Variants in PADI1 observed in about 807,000 individuals in gnomAD.
PADI1 encodes the protein protein-arginine deiminase type-1.
Under a neutral mutation model 74.8 loss-of-function variants are expected in PADI1, and 65 were observed. The ratio of observed to expected loss-of-function variants is 0.87; its 90% confidence interval spans 0.71 to 1.07. The LOEUF is 1.07. PADI1 is among the 50% of genes least tolerant of loss of function. The probability of loss-of-function intolerance (pLI) is 0.00; values close to 1 mark genes in which losing one functional copy is unlikely to be tolerated. For synonymous variants in PADI1, 371 were observed against 336.2 expected (o/e 1.10, Z -1.13); for missense variants, 943 against 854.0 (o/e 1.10, Z -1.30).
chr1:17,226,208 C>T (rs770007404), intron 6 of PADI1, 50 bp downstream of exon 6: 30 of 1,585,598 alleles, frequency 1.9e-5, no homozygotes, highest in Non-Finnish European at 2.5e-5. Context: ...CATATCTATC[C>T]TCTCCTCCCC....
intron 4 of PADI1, 133 bp downstream of exon 4, chr1:17,224,561 C>A: frequency 1.4e-6 from 1 of 709,998 alleles, no homozygotes; most frequent in South Asian, 1.6e-5. Flanking sequence ...TGTAGGGAAC[C>A]CATCTGGGAC....
chr1:17,221,400 C>T lies in PADI1; in HGVS notation c.93-890C>T, dbSNP rs568352336. ...GGGAGAATCGCTTGAACCTGGGAGG[C>T]GGAGGTTGCAGTGAGCAGAGACTGC... On this transcript the variant is annotated intron_variant, in intron 1 of 15. Transcript: ENST00000375471. Among the ~76,000 whole-genome samples the T allele has an allele frequency of 2.3e-4, 34 of 146,270 alleles. No individual in the cohort carries two copies. In the East Asian group the frequency reaches 5.2e-3, roughly 22 times the overall value.
intron 11 of PADI1, among the ~76,000 whole-genome samples, chr1:17,234,800 G>C (rs563651110): frequency 4.6e-5 from 7 of 152,256 alleles, no homozygotes; most frequent in Admixed American, 4.6e-4. Flanking sequence ...GGATCAGAGA[G>C]GGGATCACAT....
In PADI1 at chr1:17,229,047, T is replaced by G; in HGVS notation, c.925T>G (p.Cys309Gly). The G allele has an allele frequency of 6.4e-7, 1 of 1,555,424 alleles. No individual in the cohort carries two copies. Among genetic ancestry groups the G allele is most frequent in the Non-Finnish European group, 8.7e-7 (1 of 1,145,596 alleles). Residue 309 changes from cysteine to glycine, a missense_variant, in exon 8 of 16, where the codon TGC (cysteine) becomes GGC (glycine). Cys to Gly is a radical substitution (Grantham distance 159). Coordinates refer to ENST00000375471, the MANE Select transcript of PADI1 (RefSeq NM_013358.3). ...NTQPPEELYVCRVMDTHGSNE... is the reference protein window; with the variant it reads ...NTQPPEELYVGRVMDTHGSNE... ...TCAGCCTCCTGAGGAGCTGTATGTG[T>G]GCAGGTGAGGCTCCCTCCCTCCAGC...
intron 1 of PADI1, among the ~76,000 whole-genome samples, chr1:17,205,606 T>C (rs1231576499): frequency 6.6e-6 from 1 of 152,118 alleles, no homozygotes; most frequent in African/African-American, 2.4e-5. Flanking sequence ...GTCTGGGCCC[T>C]GCATTCTGAC....
chr1:17,241,975 G>A (rs2072787786), intron 15 of PADI1, among the ~76,000 whole-genome samples: 1 of 152,156 alleles, frequency 6.6e-6, no homozygotes, highest in South Asian at 2.1e-4. Flanking sequence ...AGTGAATGTC[G>A]GAATCAGGAT....
chr1:17,226,706 G>A (rs1347012903), intron 6 of PADI1, among the ~76,000 whole-genome samples: 1 of 152,144 alleles, frequency 6.6e-6, no homozygotes, highest in African/African-American at 2.4e-5. Context: ...CTGAGGTCAG[G>A]AGTTTGAGAG....
chr1:17,234,703 G>C (rs1164344442), intron 11 of PADI1, among the ~76,000 whole-genome samples: 1 of 152,184 alleles, frequency 6.6e-6, no homozygotes, highest in East Asian at 1.9e-4. Flanking sequence ...TATAGGCCAA[G>C]CCCAAAGTCT....
intron 2 of PADI1, 161 bp from the exon 3 acceptor site, chr1:17,223,460 A>G (rs1429422235): frequency 4.9e-6 from 3 of 618,498 alleles, no homozygotes; most frequent in Non-Finnish European, 8.6e-6. Context: ...GTAGCTCTGA[A>G]TCCCAGCCGG....
intron 1 of PADI1, among the ~76,000 whole-genome samples, chr1:17,210,982 G>C (rs1438764405): frequency 3.3e-5 from 5 of 152,228 alleles, no homozygotes; most frequent in African/African-American, 4.8e-5. Flanking sequence ...CCACATGTGA[G>C]GAGCTTCCAT....
chr1:17,212,019 T>G (rs2071844868), intron 1 of PADI1, among the ~76,000 whole-genome samples: 1 of 152,202 alleles, frequency 6.6e-6, no homozygotes, highest in Non-Finnish European at 1.5e-5. Flanking sequence ...GGAAGGTACG[T>G]TGAGGCAGAG....
intron 1 of PADI1, among the ~76,000 whole-genome samples, chr1:17,207,659 G>A (rs185970898): frequency 2.0e-3 from 308 of 152,318 alleles, no homozygotes; most frequent in Non-Finnish European, 2.5e-3. Flanking sequence ...GCTCCTTAGC[G>A]TCCTCAAATG....
intron 11 of PADI1, among the ~76,000 whole-genome samples, chr1:17,235,297 A>AGGAAGGAG (rs2072614086): frequency 6.7e-6 from 1 of 149,716 alleles, no homozygotes; most frequent in Non-Finnish European, 1.5e-5. Flanking sequence ...GAAGGAGGGA[A>AGGAAGGAG]GGAAGGAAGG....
In PADI1 at chr1:17,245,300, A is replaced by T. The variant is rs1305744405; in HGVS notation, c.*1057A>T. 3 of 152,602 alleles carry T rather than the reference A, an allele frequency of 2.0e-5. No individual in the cohort carries two copies. Among genetic ancestry groups the T allele is most frequent in the African/African-American group, 7.2e-5 (3 of 41,416 alleles). 9.5% of individuals were successfully genotyped at this position (152,602 alleles called of 1,614,324 possible). A position where few individuals can be genotyped will look rare whatever the true frequency, so the allele number is the denominator to read the frequency against. ...CCCGGTCTCTCTCAGCAACCCAGGG[A>T]CCCTGCACATAGCTTAGGTTTCATC... is the stretch of plus-strand genomic sequence containing the variant. On this transcript the variant is annotated 3_prime_UTR_variant, in exon 16 of 16. Transcript: ENST00000375471. This position sits in a 1 kb window ranked among gnomAD's most constrained non-coding sequence, Gnocchi z 4.1.
chr1:17,224,363 G>A lies in PADI1; in HGVS notation c.347-4G>A, dbSNP rs983806342. The A allele has an allele frequency of 2.5e-6, 4 of 1,613,492 alleles. No individual in the cohort carries two copies. The highest frequency in any genetic ancestry group is 3.3e-5 in the Admixed American group (2 of 59,994). Reference sequence around the variant, plus strand: ...CCTGGCAGCCCCTCTCCATCTCTTTGCAGATATTTCCCTTGAGGTTGACAC... The same window carrying A: ...CCTGGCAGCCCCTCTCCATCTCTTTACAGATATTTCCCTTGAGGTTGACAC... On this transcript the variant is annotated splice_polypyrimidine_tract_variant and splice_region_variant and intron_variant, in intron 3 of 15. Transcript: ENST00000375471.
At chr1:17,209,211 G>A (rs1000920937) in intron 1 of PADI1, among the ~76,000 whole-genome samples, 3 of 152,204 alleles carry the variant, frequency 2.0e-5, no homozygotes, top group African/African-American at 7.2e-5. Flanking sequence ...AAAATTACAG[G>A]ATTGACACTG....
At chr1:17,216,373 G>A (rs992263280) in intron 1 of PADI1, among the ~76,000 whole-genome samples, 2 of 152,062 alleles carry the variant, frequency 1.3e-5, no homozygotes, top group African/African-American at 2.4e-5. Flanking sequence ...GTCAGGGTCT[G>A]CAGTTGCTAT....
rs1160432768 is a variant in PADI1, at chr1:17,228,234, T to A, written c.653-391T>A. Among the ~76,000 whole-genome samples the A allele has an allele frequency of 3.9e-5, 6 of 152,214 alleles. No individual in the cohort carries two copies. The South Asian group carries it at 1.2e-3, about 32-fold the overall frequency. ...CTCAAGTGATCCTCCCGCCTTGGCC[T>A]CCCAAAGTGCTGGGATTATAGACAT... On this transcript the variant is annotated intron_variant, in intron 6 of 15. Transcript: ENST00000375471.
Position 17,224,403 on chromosome 1 carries a change from A to T in PADI1, c.383A>T (p.Lys128Met), listed in dbSNP as rs56319324. 3.7e-3 allele frequency: 5,965 copies of T among 1,613,948 alleles called. 15 individuals are homozygous for T. The highest frequency in any genetic ancestry group is 4.7e-3 in the Non-Finnish European group (5,494 of 1,179,888). Residue 128 changes from lysine (K) to methionine (M), a missense_variant, in exon 4 of 16, where the codon AAG (lysine) becomes ATG (methionine). Coordinates refer to ENST00000375471, the MANE Select transcript of PADI1 (RefSeq NM_013358.3). ...SLEVDTGRTG[K>M]VKRSQGDKKT... Reference sequence around the variant, plus strand: ...GAGGTTGACACAGGCCGCACAGGCAAGGTGAAGAGGAGCCAAGGGGACAAG... The same window carrying T: ...GAGGTTGACACAGGCCGCACAGGCATGGTGAAGAGGAGCCAAGGGGACAAG...
Sources: gnomAD v4.1 joint callset for allele counts (sites outside exome capture counted in the v4.1 genomes callset) on GRCh38, gnomAD v4.1.1 for gene constraint, Gnocchi (gnomAD v3.1) non-coding constraint, MANE v1.5 for transcripts, NCBI Gene and HGNC (gene_info 2026-07-23, HGNC 2026-07-21) for gene names.